Variants in ROBO1 observed in about 807,000 individuals in gnomAD.
The protein encoded by ROBO1 is roundabout homolog 1.
A neutral mutation model predicts 195.9 loss-of-function variants in ROBO1; 149 were observed. The observed-to-expected ratio is 0.76, with a 90% confidence interval of 0.67 to 0.87. The LOEUF (loss-of-function observed/expected upper bound fraction) is 0.87. Among genes scored for constraint, ROBO1 ranks in the 40% least tolerant of loss-of-function variants. ROBO1 has a pLI of 0.00. For missense variants in ROBO1, 1,933 were observed against 2,068.3 expected (o/e 0.93, Z 1.27); for synonymous variants, 816 against 733.2 (o/e 1.11, Z -1.82).
intron 10 of ROBO1, among the ~76,000 whole-genome samples, chr3:78,676,147 A>G (rs1020400036): frequency 1.5e-4 from 23 of 152,282 alleles, no homozygotes; most frequent in Admixed American, 1.4e-3. Flanking sequence ...AACAAACAGA[A>G]AGGACATCCA....
chr3:79,643,366 C>G (rs774098765), intron 1 of ROBO1, among the ~76,000 whole-genome samples: 66 of 152,220 alleles, frequency 4.3e-4, no homozygotes, highest in Admixed American at 7.9e-4. Flanking sequence ...GAGACTTCAC[C>G]TTGTGATTGT....
chr3:79,753,613 T>C (rs1479235740), intron 1 of ROBO1, among the ~76,000 whole-genome samples: 2 of 152,160 alleles, frequency 1.3e-5, no homozygotes, highest in Non-Finnish European at 2.9e-5. Flanking sequence ...ATTAATACCA[T>C]GTCATTTTGT....
chr3:78,835,407 A>C (rs2032621563), intron 4 of ROBO1, among the ~76,000 whole-genome samples: 1 of 152,178 alleles, frequency 6.6e-6, no homozygotes. Flanking sequence ...CCTGAACATT[A>C]CATTTTTAAA....
intron 2 of ROBO1, among the ~76,000 whole-genome samples, chr3:79,512,428 A>T (rs1211896979): frequency 6.6e-6 from 1 of 152,176 alleles, no homozygotes; most frequent in Non-Finnish European, 1.5e-5. Flanking sequence ...TTTGCAAAGG[A>T]TCTTACATAC....
chr3:79,758,232 C>T (rs1052332469), intron 1 of ROBO1, among the ~76,000 whole-genome samples: 7 of 152,212 alleles, frequency 4.6e-5, no homozygotes, highest in Non-Finnish European at 1.0e-4. Context: ...CCGTCTGTAT[C>T]TGCTCTATCC....
At chr3:79,033,912 T>G (rs924713826) in intron 3 of ROBO1, among the ~76,000 whole-genome samples, 2 of 152,160 alleles carry the variant, frequency 1.3e-5, no homozygotes, top group African/African-American at 4.8e-5. Flanking sequence ...GACCTTCTTA[T>G]TCTACCCTCA....
chr3:79,268,958 C>T (rs1384268130), intron 2 of ROBO1, among the ~76,000 whole-genome samples: 1 of 151,506 alleles, frequency 6.6e-6, no homozygotes. Context: ...CAACATTAAC[C>T]CTTATCATTA....
chr3:79,413,078 T>C (rs947007960), intron 2 of ROBO1, among the ~76,000 whole-genome samples: 20 of 151,610 alleles, frequency 1.3e-4, no homozygotes, highest in Non-Finnish European at 7.4e-5. Context: ...AAGAACATTA[T>C]AGAACAATAA....
At chr3:79,754,577 C>G (rs1704286047) in intron 1 of ROBO1, among the ~76,000 whole-genome samples, 1 of 152,190 alleles carries the variant, frequency 6.6e-6, no homozygotes, top group Admixed American at 6.5e-5. Context: ...ACGCTAGCTC[C>G]ATGTCTATGT....
At chr3:79,322,427 T>A (rs575335058) in intron 2 of ROBO1, among the ~76,000 whole-genome samples, 3 of 152,126 alleles carry the variant, frequency 2.0e-5, no homozygotes, top group Non-Finnish European at 4.4e-5. Flanking sequence ...AGGTCAAGAA[T>A]GGCATCAAGA....
At chr3:79,469,990 T>A (rs1553748573) in intron 2 of ROBO1, among the ~76,000 whole-genome samples, 1 of 152,170 alleles carries the variant, frequency 6.6e-6, no homozygotes, top group Non-Finnish European at 1.5e-5. Context: ...AAAGAGTTTT[T>A]AAAAACTGTT....
chr3:79,480,036 T>C (rs1938754540), intron 2 of ROBO1, among the ~76,000 whole-genome samples: 1 of 152,142 alleles, frequency 6.6e-6, no homozygotes, highest in Non-Finnish European at 1.5e-5. Context: ...AAAGGAAAAA[T>C]AAATCTAAAA....
intron 20 of ROBO1, among the ~76,000 whole-genome samples, 161 bp from the exon 21 acceptor site, chr3:78,646,351 C>T (rs1282752271): frequency 6.6e-6 from 1 of 150,846 alleles, no homozygotes; most frequent in Non-Finnish European, 1.5e-5. Flanking sequence ...CAACTAGTGA[C>T]ATTTCTTTAA....
At chr3:79,041,186 G>A (rs1189563985) in intron 3 of ROBO1, among the ~76,000 whole-genome samples, 2 of 152,052 alleles carry the variant, frequency 1.3e-5, no homozygotes, top group Non-Finnish European at 2.9e-5. Context: ...TATTTTTTTA[G>A]TATAATCCCT....
chr3:78,862,249 G>C (rs1368731994), intron 4 of ROBO1, among the ~76,000 whole-genome samples: 1 of 152,086 alleles, frequency 6.6e-6, no homozygotes, highest in Non-Finnish European at 1.5e-5. Flanking sequence ...TGGAAAGCAA[G>C]AGAAGGCATA....
At chr3:78,732,618 T>C (rs1393658955) in intron 5 of ROBO1, among the ~76,000 whole-genome samples, 2 of 152,110 alleles carry the variant, frequency 1.3e-5, no homozygotes, top group Non-Finnish European at 2.9e-5. Context: ...GGCATGATCT[T>C]TTATATACAT....
chr3:78,796,713 T>C (rs1306381722), intron 4 of ROBO1, among the ~76,000 whole-genome samples: 1 of 152,184 alleles, frequency 6.6e-6, no homozygotes, highest in Admixed American at 6.5e-5. Context: ...TTGTTCACTT[T>C]GCTAAAGCTC....
chr3:79,321,356 C>T (rs1194024806), intron 2 of ROBO1, among the ~76,000 whole-genome samples: 2 of 152,100 alleles, frequency 1.3e-5, no homozygotes, highest in Non-Finnish European at 2.9e-5. Context: ...ATTCATTGGA[C>T]ACTTTGTAGC....
intron 2 of ROBO1, among the ~76,000 whole-genome samples, chr3:79,477,436 G>C (rs1938601969): frequency 6.6e-6 from 1 of 152,136 alleles, no homozygotes; most frequent in Admixed American, 6.6e-5. Flanking sequence ...ATTTATGAGG[G>C]TAAACAGTAA....
Sources: allele counts gnomAD v4.1 joint callset (sites outside exome capture counted in the v4.1 genomes callset), GRCh38; gene constraint gnomAD v4.1.1; transcripts MANE v1.5; gene names NCBI Gene and HGNC (gene_info 2026-07-23, HGNC 2026-07-21).